The following DEPDC1B variants were observed in gnomAD, a reference collection of about 807,000 sequenced individuals.
DEPDC1B encodes DEP domain containing 1B, also known as DEP domain-containing protein 1B.
Under a neutral mutation model 66.5 loss-of-function variants are expected in DEPDC1B, and 51 were observed. That is an observed-to-expected ratio of 0.77 (90% CI 0.61 to 0.97). The LOEUF is 0.97. Ranked by LOEUF, DEPDC1B falls within the 50% of genes least tolerant of loss-of-function variation. The pLI is 0.00. For missense variants in DEPDC1B, 552 were observed against 637.1 expected (o/e 0.87, Z 1.44); for synonymous variants, 226 against 223.6 (o/e 1.01, Z -0.10).
intron 2 of DEPDC1B, among the ~76,000 whole-genome samples, chr5:60,677,330 T>TCC (rs1754190145): frequency 1.4e-5 from 1 of 72,918 alleles, no homozygotes; most frequent in Non-Finnish European, 3.4e-5. Context: ...ACACACACTC[T>TCC]CTCTCTCTCT....
At chr5:60,620,328 C>A (rs4700381) in intron 7 of DEPDC1B, among the ~76,000 whole-genome samples, 84,107 of 151,912 alleles carry the variant, frequency 0.55, 23,418 homozygotes, top group Admixed American at 0.6. Context: ...ACAGCAAAAG[C>A]AACTACCATC....
intron 4 of DEPDC1B, 69 bp from the exon 5 acceptor site, chr5:60,644,944 A>C: frequency 8.1e-7 from 1 of 1,234,330 alleles, no homozygotes; most frequent in Non-Finnish European, 1.1e-6. Flanking sequence ...ACCTGGTACT[A>C]CAAAAAATCA....
In DEPDC1B at chr5:60,644,830, G is replaced by C; in HGVS notation, c.624C>G (p.Asp208Glu). The C allele has an allele frequency of 6.2e-7, 1 of 1,610,646 alleles. No individual in the cohort carries two copies. The highest frequency in any genetic ancestry group is 8.5e-7 in the Non-Finnish European group (1 of 1,178,068). ...TGAACTTCGAATTGACAAGTTTGAC[G>C]TCTAAAACTTCTTCTAAGGAATCCA... is the stretch of plus-strand genomic sequence containing the variant. ...LGLDSLEEVL[D>E]VKLVNSKFII... Residue 208 changes from aspartate to glutamate, a missense_variant, in exon 5 of 11, where the codon GAC (aspartate) becomes GAG (glutamate). By Grantham distance (45) the Asp-to-Glu change is conservative. Coordinates refer to ENST00000265036, the MANE Select transcript of DEPDC1B (RefSeq NM_018369.3).
chr5:60,696,815 G>A (rs900737256), intron 1 of DEPDC1B, among the ~76,000 whole-genome samples: 2 of 149,808 alleles, frequency 1.3e-5, no homozygotes, highest in African/African-American at 5.1e-5. Flanking sequence ...ACCTACTGCT[G>A]TGCATCCTGT....
intron 2 of DEPDC1B, among the ~76,000 whole-genome samples, chr5:60,667,646 G>A: frequency 9.6e-6 from 1 of 104,082 alleles, no homozygotes; most frequent in Admixed American, 1.1e-4. Context: ...TATGAAAAAT[G>A]GATATTTTAC....
Position 60,645,358 on chromosome 5 carries a change from G to C in DEPDC1B, c.578+134C>G, listed in dbSNP as rs985713924. The C allele has an allele frequency of 7.0e-6, 6 of 859,606 alleles. No individual in the cohort carries two copies. The African/African-American group carries it at 1.0e-4, about 15-fold the overall frequency. 53.2% of individuals were successfully genotyped at this position (859,606 alleles called of 1,614,324 possible). A position where few individuals can be genotyped will look rare whatever the true frequency, so the allele number is the denominator to read the frequency against. The stretch of plus-strand genomic sequence containing the variant: ...AGAATTCAGTTAAACTATGTTTGCT[G>C]ATCACAACTGCAAATAATGCAAAGT... On this transcript the variant is annotated intron_variant, in intron 4 of 10. Coordinates refer to ENST00000265036, the MANE Select transcript of DEPDC1B (RefSeq NM_018369.3).
intron 3 of DEPDC1B, among the ~76,000 whole-genome samples, chr5:60,646,295 A>G (rs942838191): frequency 1.3e-5 from 2 of 152,206 alleles, no homozygotes; most frequent in African/African-American, 4.8e-5. Flanking sequence ...AGAAGAATCT[A>G]CCTTTGCTTA....
At chr5:60,624,669 C>G (rs1752773445) in intron 7 of DEPDC1B, among the ~76,000 whole-genome samples, 2 of 152,132 alleles carry the variant, frequency 1.3e-5, no homozygotes, top group African/African-American at 4.8e-5. Context: ...CAATTTCAAT[C>G]ATTTTAAATT....
At chr5:60,661,705 G>C (rs538558077) in intron 2 of DEPDC1B, among the ~76,000 whole-genome samples, 1 of 152,100 alleles carries the variant, frequency 6.6e-6, no homozygotes, top group Admixed American at 6.6e-5. Context: ...GAAAAGTGCC[G>C]CCATAACTGC....
intron 7 of DEPDC1B, among the ~76,000 whole-genome samples, chr5:60,606,809 T>C (rs1329582952): frequency 1.3e-5 from 2 of 151,286 alleles, no homozygotes; most frequent in Non-Finnish European, 2.9e-5. Context: ...GATATTATAA[T>C]ATTGCTCTCT....
chr5:60,606,421 C>T (rs1056396311), intron 7 of DEPDC1B, among the ~76,000 whole-genome samples: 1 of 151,922 alleles, frequency 6.6e-6, no homozygotes, highest in African/African-American at 2.4e-5. Flanking sequence ...GTTAAGTGTG[C>T]TGATTCAATC....
intron 7 of DEPDC1B, among the ~76,000 whole-genome samples, chr5:60,624,438 A>G (rs1384082012): frequency 6.6e-6 from 1 of 152,180 alleles, no homozygotes; most frequent in Non-Finnish European, 1.5e-5. Flanking sequence ...CAGGGATATC[A>G]TGTGCTACAA....
At chr5:60,618,181 A>G (rs1388070234) in intron 7 of DEPDC1B, among the ~76,000 whole-genome samples, 1 of 102,566 alleles carries the variant, frequency 9.7e-6, no homozygotes, top group Non-Finnish European at 1.9e-5. Context: ...CCACAAGAGA[A>G]AGCAGGAAAG....
chr5:60,692,970 CA>C (rs1754580050), intron 1 of DEPDC1B, among the ~76,000 whole-genome samples: 1 of 152,026 alleles, frequency 6.6e-6, no homozygotes, highest in Admixed American at 6.5e-5. Flanking sequence ...ATAATGATAG[CA>C]GTTACCTTCA....
chr5:60,622,846 T>A (rs906540359), intron 7 of DEPDC1B, among the ~76,000 whole-genome samples: 7 of 152,182 alleles, frequency 4.6e-5, no homozygotes, highest in Non-Finnish European at 1.0e-4. Context: ...TGTGTCCAGT[T>A]TTTTTGTTTT....
chr5:60,597,990 G>C, intron 10 of DEPDC1B, 76 bp from the exon 11 acceptor site: 1 of 1,275,214 alleles, frequency 7.8e-7, no homozygotes, highest in Non-Finnish European at 1.1e-6. Flanking sequence ...CAAATTTTAA[G>C]AGTTTCTGAG....
chr5:60,618,104 A>C lies in DEPDC1B; in HGVS notation c.899-12248T>G, dbSNP rs569961106. Among the ~76,000 whole-genome samples the C allele has an allele frequency of 7.9e-5, 12 of 152,268 alleles. No individual in the cohort carries two copies. In the South Asian group the frequency reaches 2.3e-3, roughly 29 times the overall value. ...TTTGAAACCAATGAGAACAAAGACAAAACATACCAGAATCTCTGGGACACA... is the reference window on the plus strand; with the variant it reads ...TTTGAAACCAATGAGAACAAAGACACAACATACCAGAATCTCTGGGACACA... On this transcript the variant is annotated intron_variant, in intron 7 of 10. Coordinates refer to ENST00000265036, the MANE Select transcript of DEPDC1B (RefSeq NM_018369.3).
At chr5:60,685,282 A>G (rs879843710) in intron 2 of DEPDC1B, among the ~76,000 whole-genome samples, 5 of 152,176 alleles carry the variant, frequency 3.3e-5, no homozygotes, top group African/African-American at 4.8e-5. Flanking sequence ...TTACATGTCT[A>G]AACGGATTTC....
intron 7 of DEPDC1B, 64 bp from the exon 8 acceptor site, chr5:60,605,920 G>GT (rs1752300322): frequency 1.5e-6 from 2 of 1,362,056 alleles, no homozygotes; most frequent in African/African-American, 2.9e-5. Context: ...CTATATGGTT[G>GT]TATTTTAACA....
Sources: allele counts gnomAD v4.1 joint callset (sites outside exome capture counted in the v4.1 genomes callset), GRCh38; gene constraint gnomAD v4.1.1; transcripts MANE v1.5; gene names NCBI Gene and HGNC (gene_info 2026-07-23, HGNC 2026-07-21).